The following STOX2 variants were observed in gnomAD, a reference collection of about 807,000 sequenced individuals.
STOX2 encodes the protein storkhead box 2.
STOX2 carries 28 observed loss-of-function variants against 60.9 expected under a neutral mutation model. The ratio of observed to expected loss-of-function variants is 0.46; its 90% CI spans 0.34 to 0.63. STOX2 has a LOEUF of 0.63. STOX2 is among the 30% of genes least tolerant of loss of function. The pLI is 0.01. For missense variants in STOX2, 1,024 were observed against 1,187.7 expected, an observed-to-expected ratio of 0.86 and a Z score of 2.03; for synonymous variants, 472 against 463.9, an observed-to-expected ratio of 1.02 and a Z score of -0.22.
intron 1 of STOX2, among the ~76,000 whole-genome samples, chr4:183,832,944 A>G (rs1033401759): frequency 6.6e-6 from 1 of 152,236 alleles, no homozygotes; most frequent in African/African-American, 2.4e-5. Flanking sequence ...CAAACACTAC[A>G]GATTCCGTCA....
At chr4:183,819,410 C>T (rs111599020) in intron 1 of STOX2, among the ~76,000 whole-genome samples, 9,313 of 151,740 alleles carry the variant, frequency 0.061, 926 homozygotes, top group African/African-American at 0.21. Context: ...TCAGGCATGG[C>T]GGCGCGCGCC....
At chr4:183,960,213 C>G (rs942247339) in intron 1 of STOX2, 2 of 152,206 alleles carry the variant, frequency 1.3e-5, no homozygotes, top group Non-Finnish European at 2.9e-5. Flanking sequence ...GGTCACGCCT[C>G]TGTTGTCTTT....
chr4:183,818,637 G>C (rs1313259243), intron 1 of STOX2, among the ~76,000 whole-genome samples: 2 of 152,050 alleles, frequency 1.3e-5, no homozygotes, highest in African/African-American at 4.8e-5. Context: ...GGTGGCGGCC[G>C]GGCAGAGGGG....
chr4:183,826,767 CTCTT>C (rs1739444698), intron 1 of STOX2, among the ~76,000 whole-genome samples: 1 of 152,220 alleles, frequency 6.6e-6, no homozygotes, highest in Admixed American at 6.5e-5. Context: ...AATGCTATTT[CTCTT>C]TCTTTTCTCT....
intron 1 of STOX2, among the ~76,000 whole-genome samples, chr4:183,929,280 T>C (rs1742341511): frequency 1.3e-5 from 2 of 152,198 alleles, no homozygotes; most frequent in Non-Finnish European, 2.9e-5. Context: ...TACACAGCTA[T>C]CATTAAATCA....
intron 1 of STOX2, among the ~76,000 whole-genome samples, chr4:183,952,110 G>A (rs1442137235): frequency 6.6e-6 from 1 of 152,210 alleles, no homozygotes; most frequent in African/African-American, 2.4e-5. Flanking sequence ...CAGAAAGAAT[G>A]TATTTGTGAG....
intron 1 of STOX2, chr4:183,987,964 T>C (rs768385700): frequency 2.0e-5 from 3 of 152,068 alleles, no homozygotes; most frequent in Admixed American, 6.6e-5. Context: ...TTTTAATGTG[T>C]GTGTTCTCTC....
intron 1 of STOX2, among the ~76,000 whole-genome samples, chr4:183,990,974 A>G (rs1200339749): frequency 1.3e-5 from 2 of 152,138 alleles, no homozygotes; most frequent in Non-Finnish European, 2.9e-5. Context: ...AATAATTCGG[A>G]TCATATCAGA....
rs1299850790 is a variant in STOX2 at position 183,856,117 on chromosome 4, T to A, written c.364+58062T>A. ...ATGGACCTCTCAGAAACATCCTAAG[T>A]GCGCACCCTGGGGTCTCGAATAGGC... is the stretch of plus-strand genomic sequence containing the variant. On this transcript the variant is annotated intron_variant, in intron 1 of 2. Coordinates refer to the STOX2 transcript ENST00000513034. This position sits in a 1 kb window ranked among gnomAD's most constrained non-coding sequence, Gnocchi z 4.0. 6.6e-6 allele frequency among the ~76,000 whole-genome samples: 1 copy of A among 152,096 alleles called. No homozygotes were observed. The highest frequency in any genetic ancestry group is 2.4e-5 in the African/African-American group (1 of 41,406).
At chr4:183,960,891 G>A (rs1186705003) in intron 1 of STOX2, among the ~76,000 whole-genome samples, 4 of 152,188 alleles carry the variant, frequency 2.6e-5, no homozygotes, top group Non-Finnish European at 5.9e-5. Flanking sequence ...ACTTAAAGCT[G>A]TAAAGGGAAG....
intron 2 of STOX2, among the ~76,000 whole-genome samples, chr4:184,007,045 A>AAAAACAAAAAC (rs1553987519): frequency 8.4e-6 from 1 of 118,474 alleles, no homozygotes; most frequent in African/African-American, 3.1e-5. Flanking sequence ...AAACAAAAAA[A>AAAAACAAAAAC]AAATTTTGTT....
At position 183,806,249 on chromosome 4, in the gene STOX2, A is replaced by C. The variant is rs2111095377; in HGVS notation, c.364+8194A>C. ...TTTCTAAAGTGACAGCCCATCTGTC[A>C]GTGTAAAATGACTTGCTTCTGTAAG... On this transcript the variant is annotated intron_variant, in intron 1 of 2. Coordinates refer to the STOX2 transcript ENST00000513034. This position sits in a 1 kb window ranked among gnomAD's most constrained non-coding sequence, Gnocchi z 4.1. Among the ~76,000 whole-genome samples, 1 of 152,324 alleles carries C rather than the reference A, an allele frequency of 6.6e-6. No homozygotes were observed. Among genetic ancestry groups the C allele is most frequent in the East Asian group, 1.9e-4 (1 of 5,184 alleles).
chr4:183,980,340 C>A (rs1384357265), intron 1 of STOX2, among the ~76,000 whole-genome samples: 17 of 152,238 alleles, frequency 1.1e-4, no homozygotes, highest in African/African-American at 4.1e-4. Flanking sequence ...TTTAAGCCAG[C>A]GAATATTGGA....
Position 183,917,270 on chromosome 4 carries a change from C to T in STOX2, c.166+10314C>T, listed in dbSNP as rs565701481. ...AGCCACCAGGGTGATTGTGGTGGAT[C>T]GGTAATCGTGACCCACTCACAGGGG... On this transcript the variant is annotated intron_variant, in intron 1 of 3. Coordinates refer to ENST00000308497, the MANE Select transcript of STOX2 (RefSeq NM_020225.3). Among the ~76,000 whole-genome samples the T allele has an allele frequency of 9.9e-5, 15 of 152,262 alleles. No individual in the cohort carries two copies. In the South Asian group the frequency reaches 1.7e-3, roughly 17 times the overall value.
Position 184,010,838 on chromosome 4 carries a change from C to A in STOX2, c.2000C>A (p.Ala667Asp). 1 of 1,597,676 alleles carries A rather than the reference C, an allele frequency of 6.3e-7. No individual in the cohort carries two copies. The highest frequency in any genetic ancestry group is 1.1e-5 in the South Asian group (1 of 87,878). ...AAAGGGCCGGGTGGGGGCCCCGCTGCTTCGGGAGGAGTGGCTGAAGGGATC... is the reference window on the plus strand; with the variant it reads ...AAAGGGCCGGGTGGGGGCCCCGCTGATTCGGGAGGAGTGGCTGAAGGGATC... ...SPKGPGGGPA[A>D]SGGVAEGIAN... The change falls in exon 3 of 4, where the codon GCT becomes GAT. Residue 667 changes from alanine (A) to aspartate (D), a missense_variant. Physicochemically the swap from Ala to Asp is moderately radical, Grantham distance 126. Coordinates refer to ENST00000308497, the MANE Select transcript of STOX2 (RefSeq NM_020225.3). This position sits in a 1 kb window ranked among gnomAD's most constrained non-coding sequence, Gnocchi z 4.5.
intron 1 of STOX2, among the ~76,000 whole-genome samples, chr4:183,977,365 T>C (rs2111183628): frequency 6.6e-6 from 1 of 152,270 alleles, no homozygotes; most frequent in South Asian, 2.1e-4. Context: ...AAGGAGTTCT[T>C]TGGGGTGATA....
At chr4:183,946,137 A>G (rs1203136346) in intron 1 of STOX2, among the ~76,000 whole-genome samples, 1 of 152,228 alleles carries the variant, frequency 6.6e-6, no homozygotes, top group Non-Finnish European at 1.5e-5. Context: ...TCAGGGTCAC[A>G]CTTTTTAATT....
chr4:183,977,219 C>T (rs186404169), intron 1 of STOX2, among the ~76,000 whole-genome samples: 2 of 152,170 alleles, frequency 1.3e-5, no homozygotes, highest in Admixed American at 1.3e-4. Flanking sequence ...TTCTACCCTC[C>T]TACTCTGAAA....
chr4:183,924,990 G>A (rs1180706436), intron 1 of STOX2, among the ~76,000 whole-genome samples: 1 of 152,160 alleles, frequency 6.6e-6, no homozygotes, highest in Non-Finnish European at 1.5e-5. Flanking sequence ...TTTACATGTA[G>A]CGGTCTATAA....
Sources: allele counts gnomAD v4.1 joint callset (sites outside exome capture counted in the v4.1 genomes callset), GRCh38; gene constraint gnomAD v4.1.1; non-coding constraint Gnocchi (gnomAD v3.1); transcripts MANE v1.5; gene names NCBI Gene and HGNC (gene_info 2026-07-23, HGNC 2026-07-21).